RNF150: variants seen among roughly 807,000 people sequenced by gnomAD.
RNF150 encodes the protein ring finger protein 150.
Under a neutral mutation model 39.3 loss-of-function variants are expected in RNF150, and 24 were observed. The ratio of observed to expected loss-of-function variants is 0.61; its 90% CI spans 0.44 to 0.86. The LOEUF is 0.86. RNF150 is among the 40% of genes least tolerant of loss of function. The probability of loss-of-function intolerance (pLI) is 0.00; values close to 1 mark genes in which losing one functional copy is unlikely to be tolerated. For synonymous variants in RNF150, 255 were observed against 227.3 expected, an observed-to-expected ratio of 1.12 and a Z score of -1.10; for missense variants, 502 against 587.8, an observed-to-expected ratio of 0.85 and a Z score of 1.51.
intron 2 of RNF150, among the ~76,000 whole-genome samples, chr4:140,957,484 T>A (rs1732808861): frequency 6.6e-6 from 1 of 152,296 alleles, no homozygotes; most frequent in East Asian, 1.9e-4. Flanking sequence ...ATTGTGGAAG[T>A]CGGTGTGGCG....
At chr4:141,014,006 G>A (rs1308105741) in intron 1 of RNF150, among the ~76,000 whole-genome samples, 1 of 151,920 alleles carries the variant, frequency 6.6e-6, no homozygotes, top group Non-Finnish European at 1.5e-5. Flanking sequence ...CCCCAGCCCA[G>A]CCACTGGTAA....
At chr4:141,119,025 T>C (rs937360519) in intron 1 of RNF150, among the ~76,000 whole-genome samples, 2 of 152,096 alleles carry the variant, frequency 1.3e-5, no homozygotes, top group East Asian at 1.9e-4. Context: ...CCTCTCAAAG[T>C]GCAAGGATTA....
At chr4:141,057,570 A>G (rs1737032955) in intron 1 of RNF150, among the ~76,000 whole-genome samples, 1 of 151,956 alleles carries the variant, frequency 6.6e-6, no homozygotes, top group Non-Finnish European at 1.5e-5. Context: ...CGAGTCCCCA[A>G]AGTCCATTAT....
chr4:141,030,171 G>A (rs1735880059), intron 1 of RNF150, among the ~76,000 whole-genome samples: 1 of 151,616 alleles, frequency 6.6e-6, no homozygotes, highest in African/African-American at 2.4e-5. Context: ...TCCAGCCTGG[G>A]CGACAAAGTG....
At chr4:141,071,073 TC>T (rs1737679742) in intron 1 of RNF150, among the ~76,000 whole-genome samples, 1 of 131,920 alleles carries the variant, frequency 7.6e-6, no homozygotes, top group African/African-American at 2.8e-5. Flanking sequence ...TGAGTTCATG[TC>T]CTTTGTAGGG....
intron 1 of RNF150, among the ~76,000 whole-genome samples, chr4:141,166,439 A>T (rs1727605607): frequency 6.6e-6 from 1 of 152,126 alleles, no homozygotes; most frequent in Admixed American, 6.6e-5. Flanking sequence ...ACTCCTCCCT[A>T]ACTCATTTTA....
intron 1 of RNF150, among the ~76,000 whole-genome samples, chr4:141,029,027 A>G (rs533224745): frequency 6.6e-6 from 1 of 152,344 alleles, no homozygotes; most frequent in South Asian, 2.1e-4. Context: ...GTAACATTTG[A>G]TTCTAAGAAT....
chr4:141,062,858 G>C (rs998258192), intron 1 of RNF150, among the ~76,000 whole-genome samples: 3 of 152,062 alleles, frequency 2.0e-5, no homozygotes, highest in African/African-American at 7.2e-5. Context: ...AGGCCCCAGT[G>C]TCCACTGTTC....
chr4:141,094,835 G>A (rs1470017256), intron 1 of RNF150, among the ~76,000 whole-genome samples: 1 of 152,216 alleles, frequency 6.6e-6, no homozygotes, highest in African/African-American at 2.4e-5. Flanking sequence ...GTAAACATAT[G>A]TGACAGTCCA....
chr4:141,128,179 G>A (rs1489827697), intron 1 of RNF150, among the ~76,000 whole-genome samples: 3 of 152,172 alleles, frequency 2.0e-5, no homozygotes, highest in African/African-American at 7.2e-5. Context: ...CCTGCATGTC[G>A]TTGTGTGTCA....
At chr4:141,172,207 A>G (rs1727741115) in intron 1 of RNF150, among the ~76,000 whole-genome samples, 1 of 152,122 alleles carries the variant, frequency 6.6e-6, no homozygotes, top group African/African-American at 2.4e-5. Context: ...GTCTTCTGGG[A>G]CCGTGAGCTA....
chr4:141,077,831 T>G (rs1202835534), intron 1 of RNF150, among the ~76,000 whole-genome samples: 1 of 152,252 alleles, frequency 6.6e-6, no homozygotes, highest in African/African-American at 2.4e-5. Context: ...AGGCCACTTC[T>G]GAGGCTCTGG....
At chr4:140,929,711 G>GCC (rs1731549914) in intron 4 of RNF150, among the ~76,000 whole-genome samples, 1 of 152,092 alleles carries the variant, frequency 6.6e-6, no homozygotes, top group Admixed American at 6.5e-5. Flanking sequence ...CTGTAGTATA[G>GCC]TTCTTCAATT....
intron 1 of RNF150, among the ~76,000 whole-genome samples, chr4:140,987,778 C>T (rs1354913592): frequency 6.6e-6 from 1 of 152,028 alleles, no homozygotes; most frequent in Non-Finnish European, 1.5e-5. Flanking sequence ...TTAAACTAAA[C>T]AGCTTTGGTA....
intron 1 of RNF150, among the ~76,000 whole-genome samples, chr4:141,146,814 A>C (rs1434911573): frequency 6.6e-6 from 1 of 152,176 alleles, no homozygotes; most frequent in African/African-American, 2.4e-5. Flanking sequence ...GAAGTATACA[A>C]TCTGCTGGAG....
intron 1 of RNF150, among the ~76,000 whole-genome samples, chr4:141,104,716 A>G (rs529978036): frequency 6.6e-6 from 1 of 152,360 alleles, no homozygotes; most frequent in African/African-American, 2.4e-5. Context: ...CAGAAAAATA[A>G]TGACTGCTGA....
At chr4:141,138,491 T>C (rs1166201737) in intron 1 of RNF150, among the ~76,000 whole-genome samples, 1 of 152,216 alleles carries the variant, frequency 6.6e-6, no homozygotes, top group Non-Finnish European at 1.5e-5. Flanking sequence ...AGAATTCACA[T>C]TACTTTATGT....
At chr4:141,083,837 G>A (rs879865348) in intron 1 of RNF150, among the ~76,000 whole-genome samples, 1 of 152,034 alleles carries the variant, frequency 6.6e-6, no homozygotes, top group African/African-American at 2.4e-5. Flanking sequence ...AAAGGCAACT[G>A]AATAAAGCTT....
chr4:140,930,384 C>A (rs2111332175), intron 4 of RNF150, among the ~76,000 whole-genome samples: 1 of 152,306 alleles, frequency 6.6e-6, no homozygotes, highest in East Asian at 1.9e-4. Flanking sequence ...TTCTGCTTCT[C>A]TGGAGAATCC....
Sources: allele counts gnomAD v4.1 joint callset (sites outside exome capture counted in the v4.1 genomes callset), GRCh38; gene constraint gnomAD v4.1.1; transcripts MANE v1.5; gene names NCBI Gene and HGNC (gene_info 2026-07-23, HGNC 2026-07-21).